The following ALK variants were observed in gnomAD, a reference collection of about 807,000 sequenced individuals.
The protein encoded by ALK is ALK tyrosine kinase receptor.
Under a neutral mutation model 163.1 loss-of-function variants are expected in ALK, and 74 were observed. That is an observed-to-expected ratio of 0.45 (90% CI 0.38 to 0.55). ALK has a LOEUF of 0.55. Ranked by LOEUF, ALK falls within the 20% of genes least tolerant of loss-of-function variation. The pLI, the probability that ALK is intolerant of heterozygous loss-of-function variation, is 0.00. For synonymous variants in ALK, 960 were observed against 843.2 expected, an observed-to-expected ratio of 1.14 and a Z score of -2.40; for missense variants, 2,063 against 2,105.3, an observed-to-expected ratio of 0.98 and a Z score of 0.39.
intron 1 of ALK, chr2:29,890,246 C>T (rs772277203): frequency 6.6e-6 from 1 of 152,156 alleles, no homozygotes; most frequent in African/African-American, 2.4e-5. Context: ...TTTGGTAACC[C>T]CTTTTAGTAC....
chr2:29,705,287 A>ATATATATATC (rs1553349889), intron 2 of ALK, among the ~76,000 whole-genome samples: 1 of 117,636 alleles, frequency 8.5e-6, no homozygotes, highest in African/African-American at 3.1e-5. Context: ...ATATAAATAT[A>ATATATATATC]TATCTGCTGT....
At chr2:29,848,265 C>A (rs1665897838) in intron 1 of ALK, among the ~76,000 whole-genome samples, 1 of 139,970 alleles carries the variant, frequency 7.1e-6, no homozygotes, top group African/African-American at 2.7e-5. Flanking sequence ...TGCATAGATT[C>A]AAAACTATCC....
At chr2:29,899,052 T>C (rs1028966254) in intron 1 of ALK, among the ~76,000 whole-genome samples, 11 of 152,106 alleles carry the variant, frequency 7.2e-5, no homozygotes, top group African/African-American at 2.4e-4. Flanking sequence ...TCAATGCATT[T>C]CAATGTGTGG....
At chr2:29,536,695 A>G (rs566372639) in intron 3 of ALK, among the ~76,000 whole-genome samples, 70 of 152,320 alleles carry the variant, frequency 4.6e-4, no homozygotes, top group African/African-American at 1.6e-3. Flanking sequence ...AGCTCACAAG[A>G]CAGGAAGACG....
At chr2:29,782,761 A>C (rs182929826) in intron 1 of ALK, among the ~76,000 whole-genome samples, 1 of 152,346 alleles carries the variant, frequency 6.6e-6, no homozygotes, top group East Asian at 1.9e-4. Flanking sequence ...AAAGCTTCAA[A>C]TGCCATTATC....
intron 4 of ALK, among the ~76,000 whole-genome samples, chr2:29,464,464 C>T (rs1056946772): frequency 6.6e-6 from 1 of 152,096 alleles, no homozygotes; most frequent in East Asian, 1.9e-4. Flanking sequence ...TTATTGTGTT[C>T]AAACACAAAT....
At chr2:29,707,269 C>T (rs1484446427) in intron 2 of ALK, among the ~76,000 whole-genome samples, 1 of 152,058 alleles carries the variant, frequency 6.6e-6, no homozygotes, top group East Asian at 1.9e-4. Context: ...TCTAAAGAGA[C>T]AGGACCTACT....
At chr2:29,508,733 CAAAAAAAA>C (rs60719550) in intron 4 of ALK, among the ~76,000 whole-genome samples, 28 of 65,494 alleles carry the variant, frequency 4.3e-4, no homozygotes, top group African/African-American at 1.6e-3. Context: ...ATCTGCAACT[CAAAAAAAA>C]AAAAAAAAAA....
intron 3 of ALK, among the ~76,000 whole-genome samples, chr2:29,563,198 C>G (rs1485244067): frequency 6.6e-6 from 1 of 152,134 alleles, no homozygotes; most frequent in East Asian, 1.9e-4. Context: ...ATTGAATACT[C>G]ATAATCTGTG....
In ALK at chr2:29,571,602, C is replaced by CTTTTTTT. The variant is rs60429543; in HGVS notation, c.953-39493_953-39487dup. ...TAAATTACCTAGTCTTGGCTCATATCTTTTTTTTTTTTTTTTTTTTTTTTT... is the reference window on the plus strand; with the variant it reads ...TAAATTACCTAGTCTTGGCTCATATCTTTTTTTTTTTTTTTTTTTTTTTTTTTTTTTT... On this transcript the variant is annotated intron_variant, in intron 3 of 28. Transcript: ENST00000389048. Among the ~76,000 whole-genome samples, 576 of 68,430 alleles carry CTTTTTTT rather than the reference C, an allele frequency of 8.4e-3. 49 individuals carry two copies. The highest frequency in any genetic ancestry group is 0.011 in the Non-Finnish European group (425 of 38,028). 44.9% of individuals were successfully genotyped at this position (68,430 alleles called of 152,430 possible). A position where few individuals can be genotyped will look rare whatever the true frequency, so the allele number is the denominator to read the frequency against.
At chr2:29,285,233 A>G (rs1665821666) in intron 9 of ALK, among the ~76,000 whole-genome samples, 1 of 150,542 alleles carries the variant, frequency 6.6e-6, no homozygotes, top group Non-Finnish European at 1.5e-5. Flanking sequence ...CCTCCAGCCT[A>G]TCTCCGTGCT....
intron 1 of ALK, among the ~76,000 whole-genome samples, chr2:29,809,283 G>A (rs994118434): frequency 1.3e-5 from 2 of 152,184 alleles, no homozygotes; most frequent in South Asian, 2.1e-4. Context: ...TCCATACATT[G>A]TTTCATTTAA....
intron 1 of ALK, among the ~76,000 whole-genome samples, chr2:29,746,522 C>T (rs1680211429): frequency 1.3e-5 from 2 of 152,190 alleles, no homozygotes; most frequent in Admixed American, 1.3e-4. Flanking sequence ...GTGACTTGAT[C>T]TAAATTATTC....
Position 29,196,633 on chromosome 2 carries a change from G to A in ALK, c.4164+137C>T. The A allele has an allele frequency of 4.0e-6, 3 of 747,598 alleles. No individual in the cohort carries two copies. The South Asian group carries it at 4.5e-5, about 11-fold the overall frequency. 46.3% of individuals were successfully genotyped at this position (747,598 alleles called of 1,614,324 possible). ...TGGAGACACCAGTCATTTCATTTTAGAGAAAATTAATTTTCACTATTTTGA... is the reference window on the plus strand; with the variant it reads ...TGGAGACACCAGTCATTTCATTTTAAAGAAAATTAATTTTCACTATTTTGA... On this transcript the variant is annotated intron_variant, in intron 28 of 28. Coordinates refer to ENST00000389048, the MANE Select transcript of ALK (RefSeq NM_004304.5).
intron 4 of ALK, among the ~76,000 whole-genome samples, chr2:29,475,763 A>C (rs1295753719): frequency 6.6e-6 from 1 of 152,192 alleles, no homozygotes; most frequent in Non-Finnish European, 1.5e-5. Context: ...CCACTGAGTG[A>C]ACAGCGCTGA....
chr2:29,221,117 G>A, intron 22 of ALK: 1 of 587,494 alleles, frequency 1.7e-6, no homozygotes, highest in Non-Finnish European at 3.3e-6. Flanking sequence ...AGTGTCTCAG[G>A]GGGCAGGAGA....
intron 4 of ALK, among the ~76,000 whole-genome samples, chr2:29,504,554 T>G (rs533647330): frequency 6.6e-6 from 1 of 151,768 alleles, no homozygotes; most frequent in South Asian, 2.1e-4. Flanking sequence ...AGTGGGTAAG[T>G]GTATATTTTG....
intron 1 of ALK, among the ~76,000 whole-genome samples, chr2:29,835,588 T>G (rs890934924): frequency 6.6e-6 from 1 of 152,110 alleles, no homozygotes; most frequent in Non-Finnish European, 1.5e-5. Flanking sequence ...TGTATGTGGA[T>G]ATAAGAAAGT....
intron 18 of ALK, 68 bp downstream of exon 18, chr2:29,226,854 C>CCATTTG: frequency 6.3e-7 from 1 of 1,598,630 alleles, no homozygotes; most frequent in Non-Finnish European, 8.6e-7. Context: ...AACCCAGAAA[C>CCATTTG]CATTTGTGGT....
Sources: allele counts gnomAD v4.1 joint callset (sites outside exome capture counted in the v4.1 genomes callset), GRCh38; gene constraint gnomAD v4.1.1; transcripts MANE v1.5; gene names NCBI Gene and HGNC (gene_info 2026-07-23, HGNC 2026-07-21).